The following TXNRD2 variants were observed in gnomAD, a reference collection of about 807,000 sequenced individuals.
TXNRD2 encodes thioredoxin reductase 2.
Under a neutral mutation model 70.8 loss-of-function variants are expected in TXNRD2, and 67 were observed. The ratio of observed to expected loss-of-function variants is 0.95; its 90% CI spans 0.78 to 1.16. The LOEUF (loss-of-function observed/expected upper bound fraction) is 1.16. Ranked by LOEUF, TXNRD2 falls within the 50% of genes most tolerant of loss-of-function variation. TXNRD2 has a pLI of 0.00. For synonymous variants in TXNRD2, 301 were observed against 295.8 expected (o/e 1.02, Z -0.18); for missense variants, 644 against 719.9 (o/e 0.89, Z 1.21).
intron 11 of TXNRD2, chr22:19,891,668 G>A (rs1379981590): frequency 6.6e-6 from 1 of 152,260 alleles, no homozygotes; most frequent in African/African-American, 2.4e-5. Context: ...CCGCAGCAGT[G>A]CTGGCTGACT....
chr22:19,930,571 G>A (rs1197947154), intron 2 of TXNRD2, among the ~76,000 whole-genome samples: 1 of 152,138 alleles, frequency 6.6e-6, no homozygotes, highest in East Asian at 1.9e-4. Flanking sequence ...CTGGGGGAAG[G>A]CACCAGCACT....
In TXNRD2 at chr22:19,885,098, G is replaced by T. The variant is rs924774164; in HGVS notation, c.950-1637C>A. ...ACACAGCCTGGGGCCCGGAGAGAGG[G>T]CACCGCATGGGCCTCTTCATAGCCG... On this transcript the variant is annotated intron_variant, in intron 11 of 17. Coordinates refer to ENST00000400521, the MANE Select transcript of TXNRD2 (RefSeq NM_006440.5). Among the ~76,000 whole-genome samples, 6 of 152,168 alleles carry T rather than the reference G, an allele frequency of 3.9e-5. No homozygotes were observed. The South Asian group carries it at 1.0e-3, about 26-fold the overall frequency.
At chr22:19,921,696 G>A (rs1569105325) in intron 2 of TXNRD2, among the ~76,000 whole-genome samples, 1 of 152,186 alleles carries the variant, frequency 6.6e-6, no homozygotes, top group Non-Finnish European at 1.5e-5. Context: ...GGGGGAGACT[G>A]AGGCAGCCAG....
chr22:19,912,581 G>A (rs1940462067), intron 7 of TXNRD2, among the ~76,000 whole-genome samples: 1 of 152,244 alleles, frequency 6.6e-6, no homozygotes, highest in African/African-American at 2.4e-5. Context: ...GCTGGAAGCT[G>A]GCTGTGGCCT....
chr22:19,917,155 C>A (rs1032502761), intron 5 of TXNRD2, among the ~76,000 whole-genome samples: 1 of 152,192 alleles, frequency 6.6e-6, no homozygotes, highest in Admixed American at 6.5e-5. Flanking sequence ...AGCCCAGGTG[C>A]GCCCCAGCCT....
chr22:19,931,487 GA>G (rs1361982889), intron 1 of TXNRD2, among the ~76,000 whole-genome samples: 1 of 152,122 alleles, frequency 6.6e-6, no homozygotes, highest in Admixed American at 6.5e-5. Flanking sequence ...GGGGAGGGAT[GA>G]AAGGTGAGAA....
At chr22:19,939,376 C>A (rs1209926953) in intron 1 of TXNRD2, among the ~76,000 whole-genome samples, 1 of 152,228 alleles carries the variant, frequency 6.6e-6, no homozygotes, top group Non-Finnish European at 1.5e-5. Context: ...TAACATCCCT[C>A]TGTTCTTCTC....
At chr22:19,883,016 G>A (rs1938852332) in intron 12 of TXNRD2, among the ~76,000 whole-genome samples, 1 of 152,272 alleles carries the variant, frequency 6.6e-6, no homozygotes, top group African/African-American at 2.4e-5. Context: ...CTACCTGCCA[G>A]GGGTTGAGGC....
intron 8 of TXNRD2, among the ~76,000 whole-genome samples, chr22:19,900,234 T>TGGGACCCC (rs1939709754): frequency 6.6e-6 from 1 of 152,112 alleles, no homozygotes; most frequent in South Asian, 2.1e-4. Context: ...AGGGGGACCC[T>TGGGACCCC]GGGACCCCCA....
intron 2 of TXNRD2, among the ~76,000 whole-genome samples, chr22:19,920,308 T>G (rs1940849131): frequency 6.6e-6 from 1 of 152,190 alleles, no homozygotes; most frequent in Non-Finnish European, 1.5e-5. Context: ...CCGGGCATGG[T>G]GGCTCACACC....
At chr22:19,940,162 G>A (rs1006533536) in intron 1 of TXNRD2, among the ~76,000 whole-genome samples, 3 of 142,824 alleles carry the variant, frequency 2.1e-5, no homozygotes, top group Non-Finnish European at 3.0e-5. Context: ...GGAGAATGGC[G>A]TGAACCCGGG....
intron 2 of TXNRD2, among the ~76,000 whole-genome samples, chr22:19,921,180 C>T (rs1005690279): frequency 1.3e-5 from 2 of 151,204 alleles, no homozygotes; most frequent in Non-Finnish European, 2.9e-5. Context: ...TTTGGGAGGC[C>T]GCAGCAGGCA....
At position 19,923,863 on chromosome 22, in the gene TXNRD2, T is replaced by C. The variant is rs1052618577; in HGVS notation, c.173-4264A>G. ...CTGAGGCTTTTTTTTTTTTTTTTTT[T>C]TTTCAAATCTTGTGGACTTCTGACT... On this transcript the variant is annotated intron_variant, in intron 2 of 17. Coordinates refer to ENST00000400521, the MANE Select transcript of TXNRD2 (RefSeq NM_006440.5). 9.3e-5 allele frequency among the ~76,000 whole-genome samples: 14 copies of C among 150,330 alleles called. No homozygotes were observed. In the South Asian group the frequency reaches 2.4e-3, roughly 25 times the overall value.
At chr22:19,932,080 G>T (rs1256515730) in intron 1 of TXNRD2, among the ~76,000 whole-genome samples, 1 of 148,516 alleles carries the variant, frequency 6.7e-6, no homozygotes, top group Admixed American at 6.9e-5. Flanking sequence ...AGAATGGCGT[G>T]AACCCGGGAG....
intron 8 of TXNRD2, among the ~76,000 whole-genome samples, chr22:19,908,236 G>A (rs1354735451): frequency 2.0e-5 from 3 of 152,052 alleles, no homozygotes; most frequent in African/African-American, 7.3e-5. Context: ...CCAGGCCAGG[G>A]GTATGGGAGG....
In TXNRD2 at chr22:19,895,717, C is replaced by T. The variant is rs1438382962; in HGVS notation, c.775-136G>A. The T allele has an allele frequency of 1.7e-5, 16 of 968,432 alleles. No homozygotes were observed. The South Asian group carries it at 1.9e-4, about 11-fold the overall frequency. 60.0% of individuals were successfully genotyped at this position (968,432 alleles called of 1,614,324 possible). A position where few individuals can be genotyped will look rare whatever the true frequency, so the allele number is the denominator to read the frequency against. ...GAAGACGGGGTGAGACACCCTGCCC[C>T]CTGCTCTACGTCCTCTTGCTCTCTG... On this transcript the variant is annotated intron_variant, in intron 10 of 17. Transcript: ENST00000400521.
At chr22:19,881,362 C>T (rs987761389) in intron 12 of TXNRD2, 14 of 318,872 alleles carry the variant, frequency 4.4e-5, no homozygotes, top group African/African-American at 8.6e-5. Context: ...GCGCAGCCTG[C>T]GCATTCCAGC....
intron 8 of TXNRD2, among the ~76,000 whole-genome samples, chr22:19,905,080 G>A (rs1319929886): frequency 1.3e-5 from 2 of 152,142 alleles, no homozygotes; most frequent in African/African-American, 2.4e-5. Flanking sequence ...GACTGCAGCA[G>A]AGGAATGTAA....
chr22:19,882,189 C>T (rs1356139867), intron 12 of TXNRD2, among the ~76,000 whole-genome samples: 1 of 152,156 alleles, frequency 6.6e-6, no homozygotes, highest in Non-Finnish European at 1.5e-5. Flanking sequence ...CCGAGGGAGC[C>T]TGGCCCAGCT....
Sources: allele counts gnomAD v4.1 joint callset (sites outside exome capture counted in the v4.1 genomes callset), GRCh38; gene constraint gnomAD v4.1.1; transcripts MANE v1.5; gene names NCBI Gene and HGNC (gene_info 2026-07-23, HGNC 2026-07-21).